The following ZNF536 variants were observed in gnomAD, a reference collection of about 807,000 sequenced individuals.
The protein encoded by ZNF536 is zinc finger protein 536.
In ZNF536, 13 loss-of-function variants were observed where a neutral mutation model predicts 84.5. The observed-to-expected ratio is 0.15, with a 90% CI of 0.10 to 0.24. The LOEUF is 0.24. ZNF536 is among the 10% of genes least tolerant of loss of function. The probability of loss-of-function intolerance (pLI) is 1.00; values close to 1 mark genes in which losing one functional copy is unlikely to be tolerated. For missense variants in ZNF536, 1,536 were observed against 1,747.5 expected (o/e 0.88, Z 2.16); for synonymous variants, 811 against 742.5 (o/e 1.09, Z -1.50).
intron 1 of ZNF536, among the ~76,000 whole-genome samples, chr19:30,373,443 G>A (rs2048689655): frequency 6.6e-6 from 1 of 151,752 alleles, no homozygotes; most frequent in Non-Finnish European, 1.5e-5. Context: ...GAAATGCCTG[G>A]AAAAACAAAA....
At chr19:30,447,849 C>A (rs1319922055) in intron 2 of ZNF536, among the ~76,000 whole-genome samples, 2 of 152,178 alleles carry the variant, frequency 1.3e-5, no homozygotes, top group Non-Finnish European at 2.9e-5. Context: ...AGATTTCCAT[C>A]CCTCTCTCAG....
intron 2 of ZNF536, among the ~76,000 whole-genome samples, chr19:30,290,251 A>C (rs1354875293): frequency 6.6e-6 from 1 of 152,202 alleles, no homozygotes; most frequent in Non-Finnish European, 1.5e-5. Flanking sequence ...CAGTATGTAT[A>C]TACCACATTT....
intron 1 of ZNF536, among the ~76,000 whole-genome samples, chr19:30,590,037 A>T (rs1387688503): frequency 1.3e-5 from 2 of 152,162 alleles, no homozygotes; most frequent in Admixed American, 1.3e-4. Flanking sequence ...CATCCAGATG[A>T]TCCTCTTTTG....
At chr19:30,450,831 T>A (rs2052569688) in intron 2 of ZNF536, among the ~76,000 whole-genome samples, 1 of 151,570 alleles carries the variant, frequency 6.6e-6, no homozygotes, top group South Asian at 2.1e-4. Context: ...CCCTGCTTCC[T>A]TATTTTTCTG....
chr19:30,363,081 A>C (rs1398015723), intron 3 of ZNF536, among the ~76,000 whole-genome samples: 1 of 152,030 alleles, frequency 6.6e-6, no homozygotes, highest in African/African-American at 2.4e-5. Context: ...GTGTGAGAGA[A>C]ATTGGGGTTT....
chr19:30,676,432 C>T lies in ZNF536; in HGVS notation c.170-34325C>T, dbSNP rs1387478114. On this transcript the variant is annotated intron_variant, in intron 1 of 1. Transcript: ENST00000592773. ...ACATGCCTCCATCATAGGTCTGCCT[C>T]GTGATCACAGCATTATTTGAGAACA... is the stretch of plus-strand genomic sequence containing the variant. Among the ~76,000 whole-genome samples, 8 of 152,274 alleles carry T rather than the reference C, an allele frequency of 5.3e-5. No individual in the cohort carries two copies. The East Asian group carries it at 5.8e-4, about 11-fold the overall frequency.
chr19:30,576,568 G>C lies in ZNF536; in HGVS notation c.169+27054G>C, dbSNP rs140916450. ...AGATAGGCTGTGCTCTTCTACGCTA[G>C]TGGCGCTCATGTCTGATACTGTGGG... On this transcript the variant is annotated intron_variant, in intron 1 of 1. Transcript: ENST00000592773. Among the ~76,000 whole-genome samples, 113 of 152,344 alleles carry C rather than the reference G, an allele frequency of 7.4e-4. No individual in the cohort carries two copies. The East Asian group carries it at 0.018, about 25-fold the overall frequency.
chr19:30,385,307 A>G (rs1364252205), intron 1 of ZNF536, among the ~76,000 whole-genome samples: 1 of 152,152 alleles, frequency 6.6e-6, no homozygotes, highest in Non-Finnish European at 1.5e-5. Flanking sequence ...GATGGGGGTC[A>G]GTGTGGGTTG....
intron 1 of ZNF536, among the ~76,000 whole-genome samples, chr19:30,264,332 G>C (rs1050921220): frequency 6.6e-6 from 1 of 152,036 alleles, no homozygotes; most frequent in Non-Finnish European, 1.5e-5. Context: ...ACAATGCTGT[G>C]GGGGAGGGGG....
intron 2 of ZNF536, among the ~76,000 whole-genome samples, chr19:30,527,522 C>T (rs73026727): frequency 0.056 from 8,536 of 151,878 alleles, 318 homozygotes; most frequent in Middle Eastern, 0.082. Flanking sequence ...CAAATACTTT[C>T]ACCAATCCAT....
intron 1 of ZNF536, among the ~76,000 whole-genome samples, chr19:30,568,450 G>A (rs913952123): frequency 2.0e-5 from 3 of 152,134 alleles, no homozygotes; most frequent in Non-Finnish European, 4.4e-5. Flanking sequence ...GCAAAGATGA[G>A]GATTTCTTTA....
intron 4 of ZNF536, 135 bp downstream of exon 4, chr19:30,549,649 T>TA: frequency 4.1e-6 from 4 of 980,134 alleles, no homozygotes; most frequent in Non-Finnish European, 5.7e-6. Context: ...CAATGCTGTA[T>TA]CTGCAATGTA....
At chr19:30,619,703 T>C (rs913239212) in intron 1 of ZNF536, among the ~76,000 whole-genome samples, 5 of 152,262 alleles carry the variant, frequency 3.3e-5, no homozygotes, top group African/African-American at 1.2e-4. Flanking sequence ...GTGATCCACT[T>C]ATTTCTCATG....
intron 2 of ZNF536, among the ~76,000 whole-genome samples, chr19:30,502,904 A>G (rs1015578770): frequency 6.6e-6 from 1 of 152,188 alleles, no homozygotes; most frequent in African/African-American, 2.4e-5. Flanking sequence ...AGTTAAATGC[A>G]AAACACAAAA....
At chr19:30,676,347 G>C (rs2050752944) in intron 1 of ZNF536, among the ~76,000 whole-genome samples, 1 of 152,218 alleles carries the variant, frequency 6.6e-6, no homozygotes, top group Non-Finnish European at 1.5e-5. Flanking sequence ...ATCTGTGAAT[G>C]TGTAAAGAAG....
At position 30,548,444 on chromosome 19, in the gene ZNF536, C is replaced by T. The variant is rs2146201675; in HGVS notation, c.2825C>T (p.Ala942Val). Reference protein sequence around the residue: ...KEKDMKDKALADPPSMKVHGV... With the variant: ...KEKDMKDKALVDPPSMKVHGV... The stretch of plus-strand genomic sequence containing the variant: ...AAGGACATGAAGGACAAAGCCCTGG[C>T]TGACCCCCCTTCCATGAAAGTCCAC... Residue 942 changes from alanine to valine, a missense_variant, in exon 4 of 5, where the codon GCT becomes GTT. By Grantham distance (64) the Ala-to-Val change is moderately conservative. Coordinates refer to ENST00000355537, the MANE Select transcript of ZNF536 (RefSeq NM_014717.3). 1 of 1,614,188 alleles carries T rather than the reference C, an allele frequency of 6.2e-7. No individual in the cohort carries two copies. Among genetic ancestry groups the T allele is most frequent in the Non-Finnish European group, 8.5e-7 (1 of 1,180,040 alleles).
chr19:30,470,060 G>A (rs1191938944), intron 2 of ZNF536, among the ~76,000 whole-genome samples: 3 of 152,240 alleles, frequency 2.0e-5, no homozygotes, highest in African/African-American at 7.2e-5. Flanking sequence ...GCTTCAAGCT[G>A]CCGTGGACAG....
At chr19:30,318,579 C>G (rs1222232079) in intron 2 of ZNF536, among the ~76,000 whole-genome samples, 1 of 152,252 alleles carries the variant, frequency 6.6e-6, no homozygotes, top group African/African-American at 2.4e-5. Flanking sequence ...GTATCCACCT[C>G]TGACTCTGTG....
intron 1 of ZNF536, among the ~76,000 whole-genome samples, chr19:30,277,149 C>T (rs1479068846): frequency 6.6e-6 from 1 of 152,156 alleles, no homozygotes; most frequent in Admixed American, 6.5e-5. Flanking sequence ...CCTTGGTGTT[C>T]TGTTGTTTAA....
Sources: allele counts gnomAD v4.1 joint callset (sites outside exome capture counted in the v4.1 genomes callset), GRCh38; gene constraint gnomAD v4.1.1; transcripts MANE v1.5; gene names NCBI Gene and HGNC (gene_info 2026-07-23, HGNC 2026-07-21).